GFRA2: variants seen among roughly 807,000 people sequenced by gnomAD.
GFRA2 encodes GDNF family receptor alpha 2.
In GFRA2, 17 loss-of-function variants were observed where a neutral mutation model predicts 48.3. The observed-to-expected ratio is 0.35, with a 90% CI of 0.24 to 0.53. The LOEUF (loss-of-function observed/expected upper bound fraction) is 0.53, where lower values mean the gene tolerates loss of function less well. GFRA2 is among the 20% of genes least tolerant of loss of function. The pLI is 0.93. For missense variants in GFRA2, 660 were observed against 637.3 expected (o/e 1.04, Z -0.38); for synonymous variants, 305 against 257.2 (o/e 1.19, Z -1.78).
intron 3 of GFRA2, chr8:21,769,087 G>C: frequency 1.4e-6 from 1 of 714,432 alleles, no homozygotes; most frequent in South Asian, 6.3e-5. Context: ...CTGAAAACAA[G>C]CCACTTAGGG....
intron 4 of GFRA2, among the ~76,000 whole-genome samples, chr8:21,741,010 T>C (rs1804720084): frequency 6.6e-6 from 1 of 152,244 alleles, no homozygotes; most frequent in South Asian, 2.1e-4. Context: ...CCAGTTATTC[T>C]AAAATAACCT....
At chr8:21,782,983 T>C (rs1289280784) in intron 1 of GFRA2, 84 bp from the exon 2 acceptor site, 1 of 1,318,666 alleles carries the variant, frequency 7.6e-7, no homozygotes, top group African/African-American at 1.5e-5. Flanking sequence ...GCTTGGGCCC[T>C]GCTGGGAACG....
intron 1 of GFRA2, among the ~76,000 whole-genome samples, chr8:21,806,590 G>A (rs2117120024): frequency 6.6e-6 from 1 of 152,234 alleles, no homozygotes; most frequent in Non-Finnish European, 1.5e-5. Flanking sequence ...TCAGCCTCCT[G>A]AGTAGCTGGG....
intron 1 of GFRA2, among the ~76,000 whole-genome samples, chr8:21,808,471 T>C (rs1359501285): frequency 6.6e-6 from 1 of 152,214 alleles, no homozygotes; most frequent in African/African-American, 2.4e-5. Flanking sequence ...AAGGAATTAG[T>C]CAACTTTCCA....
chr8:21,730,387 G>A (rs991659678), intron 4 of GFRA2, among the ~76,000 whole-genome samples: 4 of 136,176 alleles, frequency 2.9e-5, no homozygotes, highest in African/African-American at 7.6e-5. Flanking sequence ...TGGGCAACAA[G>A]AGCAAAACTC....
intron 7 of GFRA2, among the ~76,000 whole-genome samples, chr8:21,694,999 A>G (rs142311543): frequency 2.6e-5 from 4 of 152,338 alleles, no homozygotes; most frequent in African/African-American, 7.2e-5. Context: ...GGAGGGCTCT[A>G]TATAAAAAGA....
intron 1 of GFRA2, among the ~76,000 whole-genome samples, chr8:21,786,530 T>C (rs201357882): frequency 0.021 from 3,123 of 152,280 alleles, 83 homozygotes; most frequent in African/African-American, 0.068. Context: ...CCCTTCAGAA[T>C]GAGAGTCCAC....
intron 4 of GFRA2, among the ~76,000 whole-genome samples, chr8:21,741,932 AAAAGAAAG>A (rs568674453): frequency 6.7e-6 from 1 of 148,754 alleles, no homozygotes; most frequent in Non-Finnish European, 1.5e-5. Flanking sequence ...AAAAAAAAAA[AAAAGAAAG>A]AAAGAAAGAA....
At chr8:21,745,538 A>G (rs2117569242) in intron 4 of GFRA2, among the ~76,000 whole-genome samples, 1 of 152,358 alleles carries the variant, frequency 6.6e-6, no homozygotes, top group South Asian at 2.1e-4. Flanking sequence ...ACACCCTGGC[A>G]TTGGGCTCTC....
At chr8:21,747,061 T>A (rs1313730401) in intron 4 of GFRA2, among the ~76,000 whole-genome samples, 1 of 152,152 alleles carries the variant, frequency 6.6e-6, no homozygotes, top group Admixed American at 6.6e-5. Flanking sequence ...CCTGCAGTCC[T>A]CCAGCTTTTG....
chr8:21,788,271 T>C lies in GFRA2; in HGVS notation c.-112A>G. On this transcript the variant is annotated 5_prime_UTR_variant, in exon 1 of 9. Coordinates refer to ENST00000524240, the MANE Select transcript of GFRA2 (RefSeq NM_001495.5). The stretch of plus-strand genomic sequence containing the variant: ...CAGTGGTAATCAGCCCCAAATCCAA[T>C]GCGGAGATCCCAGCTAGTCCACCCG... 1 of 1,442,262 alleles carries C rather than the reference T, an allele frequency of 6.9e-7. No homozygotes were observed. Among genetic ancestry groups the C allele is most frequent in the Non-Finnish European group, 9.1e-7 (1 of 1,094,166 alleles). 89.3% of individuals were successfully genotyped at this position (1,442,262 alleles called of 1,614,324 possible).
At chr8:21,768,379 C>G (rs1036172336) in intron 3 of GFRA2, among the ~76,000 whole-genome samples, 4 of 152,362 alleles carry the variant, frequency 2.6e-5, no homozygotes, top group Middle Eastern at 6.8e-3. Context: ...GCAGGGAGAG[C>G]TGCTGCTGTT....
intron 7 of GFRA2, among the ~76,000 whole-genome samples, chr8:21,701,338 G>A (rs958373272): frequency 1.3e-5 from 2 of 152,232 alleles, no homozygotes; most frequent in African/African-American, 4.8e-5. Flanking sequence ...AGCTTGCAGT[G>A]AGCCGAGATC....
chr8:21,727,756 C>T (rs536442808), intron 4 of GFRA2, among the ~76,000 whole-genome samples: 1 of 152,364 alleles, frequency 6.6e-6, no homozygotes, highest in South Asian at 2.1e-4. Flanking sequence ...AATCATCTGT[C>T]CTCTCCTTAC....
chr8:21,811,157 G>A (rs1389294381), intron 1 of GFRA2, among the ~76,000 whole-genome samples: 3 of 152,172 alleles, frequency 2.0e-5, no homozygotes, highest in African/African-American at 4.8e-5. Flanking sequence ...CACCTCCTCA[G>A]AGGCCTTTAG....
intron 3 of GFRA2, among the ~76,000 whole-genome samples, chr8:21,763,551 T>C (rs954470445): frequency 5.9e-5 from 9 of 152,052 alleles, no homozygotes; most frequent in Non-Finnish European, 1.0e-4. Context: ...TCCAGTGATC[T>C]CCTCCTACCC....
At position 21,714,496 on chromosome 8, in the gene GFRA2, C is replaced by A. The variant is rs369801258; in HGVS notation, c.795-8455G>T. Among the ~76,000 whole-genome samples, 219 of 152,024 alleles carry A rather than the reference C, an allele frequency of 1.4e-3. 6 individuals carry two copies. The South Asian group carries it at 0.044, about 31-fold the overall frequency. On this transcript the variant is annotated intron_variant, in intron 4 of 8. Coordinates refer to ENST00000524240, the MANE Select transcript of GFRA2 (RefSeq NM_001495.5). ...AAACTCCTGGCTTCAAGTGATCCAC[C>A]CACCTCAGCCTCCCAAAGTGCTAGA...
At chr8:21,739,461 C>T (rs924170282) in intron 4 of GFRA2, among the ~76,000 whole-genome samples, 1 of 152,172 alleles carries the variant, frequency 6.6e-6, no homozygotes, top group Admixed American at 6.5e-5. Flanking sequence ...ACTCCTAATC[C>T]AGGACCCCTT....
chr8:21,790,853 C>A (rs1048641717), upstream of GFRA2, among the ~76,000 whole-genome samples: 4 of 152,142 alleles, frequency 2.6e-5, no homozygotes, highest in Non-Finnish European at 5.9e-5. Context: ...CATAAGGAAC[C>A]GGCTTTGGAT....
Sources: allele counts gnomAD v4.1 joint callset (sites outside exome capture counted in the v4.1 genomes callset), GRCh38; gene constraint gnomAD v4.1.1; transcripts MANE v1.5; gene names NCBI Gene and HGNC (gene_info 2026-07-23, HGNC 2026-07-21).